The following TTC23 variants were observed in gnomAD, a reference collection of about 807,000 sequenced individuals.
The protein encoded by TTC23 is tetratricopeptide repeat protein 23.
Under a neutral mutation model 55.1 loss-of-function variants are expected in TTC23, and 58 were observed. The observed-to-expected ratio is 1.05, with a 90% CI of 0.85 to 1.31. The LOEUF (loss-of-function observed/expected upper bound fraction) is 1.31, where lower values mean the gene tolerates loss of function less well. TTC23 is among the 50% of genes most tolerant of loss of function. TTC23 has a pLI of 0.00. For missense variants in TTC23, 516 were observed against 534.4 expected, an observed-to-expected ratio of 0.97 and a Z score of 0.34; for synonymous variants, 203 against 199.9, an observed-to-expected ratio of 1.02 and a Z score of -0.13.
At chr15:99,234,537 A>G (rs556578121) in intron 4 of TTC23, among the ~76,000 whole-genome samples, 17 of 151,970 alleles carry the variant, frequency 1.1e-4, no homozygotes, top group African/African-American at 3.9e-4. Flanking sequence ...TGCCTGGCTA[A>G]ATTTTTTTGT....
At chr15:99,217,552 T>G (rs1218234597) in intron 8 of TTC23, among the ~76,000 whole-genome samples, 2 of 152,232 alleles carry the variant, frequency 1.3e-5, no homozygotes, top group Non-Finnish European at 2.9e-5. Flanking sequence ...ATTAAAGTAT[T>G]TATCTATGAT....
At chr15:99,194,792 G>A (rs574272784) in intron 9 of TTC23, among the ~76,000 whole-genome samples, 16 of 152,180 alleles carry the variant, frequency 1.1e-4, no homozygotes, top group South Asian at 4.1e-4. Flanking sequence ...AAAATGAGCC[G>A]GGCATGGTGG....
At chr15:99,187,452 CA>C (rs66568931) in intron 9 of TTC23, among the ~76,000 whole-genome samples, 24 of 44,488 alleles carry the variant, frequency 5.4e-4, no homozygotes, top group East Asian at 6.7e-4. Context: ...AAAGCACAAG[CA>C]AAAAAAAAAA....
chr15:99,155,973 A>T, intron 12 of TTC23, 175 bp downstream of exon 12: 1 of 738,460 alleles, frequency 1.4e-6, no homozygotes, highest in Non-Finnish European at 2.2e-6. Flanking sequence ...TAAGAGGCTT[A>T]CTATGTCTTT....
At chr15:99,189,190 G>C (rs1038630291) in intron 9 of TTC23, among the ~76,000 whole-genome samples, 1 of 152,054 alleles carries the variant, frequency 6.6e-6, no homozygotes, top group African/African-American at 2.4e-5. Flanking sequence ...ATAGTATGAA[G>C]GTTTCCAGAT....
At chr15:99,182,519 CTCTT>C (rs1288840830) in intron 9 of TTC23, among the ~76,000 whole-genome samples, 1 of 152,090 alleles carries the variant, frequency 6.6e-6, no homozygotes, top group Non-Finnish European at 1.5e-5. Flanking sequence ...TTTTAAAGAA[CTCTT>C]TCTATATTTT....
At chr15:99,190,280 G>GT (rs71149450) in intron 9 of TTC23, among the ~76,000 whole-genome samples, 8,698 of 135,802 alleles carry the variant, frequency 0.064, 306 homozygotes, top group Admixed American at 0.11. Context: ...GTTTGTTTTT[G>GT]TTTTTTTTTT....
intron 9 of TTC23, among the ~76,000 whole-genome samples, chr15:99,198,339 A>G (rs998717516): frequency 6.6e-6 from 1 of 152,180 alleles, no homozygotes; most frequent in Non-Finnish European, 1.5e-5. Context: ...GAAACCTGGG[A>G]GTCATCTATA....
chr15:99,183,478 C>T (rs1399444271), intron 9 of TTC23, among the ~76,000 whole-genome samples: 22 of 149,432 alleles, frequency 1.5e-4, no homozygotes, highest in Non-Finnish European at 3.0e-4. Flanking sequence ...CGTGCCACCA[C>T]GCCCAGCTGA....
intron 9 of TTC23, 62 bp downstream of exon 9, chr15:99,199,857 C>G (rs1567462791): frequency 6.7e-7 from 1 of 1,490,056 alleles, no homozygotes; most frequent in Non-Finnish European, 9.0e-7. Context: ...TGCTGTGCCA[C>G]TTGTGTCTAT....
intron 9 of TTC23, among the ~76,000 whole-genome samples, chr15:99,183,488 A>AT (rs1228350832): frequency 8.2e-6 from 1 of 122,530 alleles, no homozygotes. Context: ...CGCCCAGCTG[A>AT]TTTTTTGTAT....
In TTC23 at chr15:99,156,333, C is replaced by G. The variant is rs774519137; in HGVS notation, c.994-36G>C. 47 of 1,608,598 alleles carry G rather than the reference C, an allele frequency of 2.9e-5. No homozygotes were observed. In the South Asian group the frequency reaches 4.3e-4, roughly 15 times the overall value. On this transcript the variant is annotated intron_variant, in intron 11 of 13. Transcript: ENST00000394132. ...AACAAAAAGCTATCTGGTTAACAAG[C>G]TCAAAGGCTGATTAGGATCATTACG...
At chr15:99,141,169 G>C (rs1407644863) in intron 12 of TTC23, 5 of 151,930 alleles carry the variant, frequency 3.3e-5, no homozygotes, top group African/African-American at 1.2e-4. Flanking sequence ...AAACAATTTA[G>C]CAATATTTAG....
At position 99,232,650 on chromosome 15, in the gene TTC23, A is replaced by C. The variant is rs1596974228; in HGVS notation, c.-21+2338T>G. On this transcript the variant is annotated intron_variant, in intron 4 of 13. Transcript: ENST00000394132. ...AATGGCTATGATTAAAAAAAGAAAG[A>C]TACATGTTGGTGAAGATGTGGAGAA... 2.0e-5 allele frequency among the ~76,000 whole-genome samples: 3 copies of C among 152,252 alleles called. No individual in the cohort carries two copies. In the East Asian group the frequency reaches 5.8e-4, roughly 29 times the overall value.
chr15:99,143,590 A>G (rs1555491450), intron 12 of TTC23, among the ~76,000 whole-genome samples: 1 of 152,212 alleles, frequency 6.6e-6, no homozygotes, highest in African/African-American at 2.4e-5. Context: ...AGTGAACAAT[A>G]AACTGAACTC....
At chr15:99,197,270 T>C (rs2075812267) in intron 9 of TTC23, among the ~76,000 whole-genome samples, 3 of 151,914 alleles carry the variant, frequency 2.0e-5, no homozygotes, top group Admixed American at 6.5e-5. Context: ...GCCCGGCTAA[T>C]TTTTTGTATT....
chr15:99,216,734 T>C lies in TTC23; in HGVS notation c.581+1854A>G, dbSNP rs148628021. Among the ~76,000 whole-genome samples, 328 of 152,290 alleles carry C rather than the reference T, an allele frequency of 2.2e-3. 6 individuals carry two copies. Among genetic ancestry groups the C allele is most frequent in the South Asian group, 0.018 (88 of 4,828 alleles). On this transcript the variant is annotated intron_variant, in intron 8 of 13. Transcript: ENST00000394132. ...TAACAAAGTCAAATATTGCCAGTGG[T>C]GTGTTAGGAACCTACCCACCCTGCA...
At chr15:99,138,524 G>C (rs543790839) in intron 13 of TTC23, among the ~76,000 whole-genome samples, 2 of 152,344 alleles carry the variant, frequency 1.3e-5, no homozygotes, top group South Asian at 2.1e-4. Context: ...ATGTTGGCCA[G>C]TCTGGTCTCA....
chr15:99,137,906 CTG>C lies in TTC23; in HGVS notation c.*102_*103del. On this transcript the variant is annotated 3_prime_UTR_variant, in exon 14 of 14. Coordinates refer to ENST00000394132, the MANE Select transcript of TTC23 (RefSeq NM_001288615.3). ...GGGGCCAACAGTTGGCCTTGGAAAT[CTG>C]TATCCTGACTGTTGAATTCCATTTT... The C allele has an allele frequency of 1.3e-6, 2 of 1,545,018 alleles. No homozygotes were observed. Among genetic ancestry groups the C allele is most frequent in the South Asian group, 1.2e-5 (1 of 81,826 alleles).
Sources: gnomAD v4.1 joint callset for allele counts (sites outside exome capture counted in the v4.1 genomes callset) on GRCh38, gnomAD v4.1.1 for gene constraint, MANE v1.5 for transcripts, NCBI Gene and HGNC (gene_info 2026-07-23, HGNC 2026-07-21) for gene names.